Variants in PRELID2 observed in about 807,000 individuals in gnomAD.
The protein encoded by PRELID2 is PRELI domain containing 2, also known as PRELI domain-containing protein 2.
A neutral mutation model predicts 28.4 loss-of-function variants in PRELID2; 25 were observed. The observed-to-expected ratio is 0.88, with a 90% CI of 0.64 to 1.23. PRELID2 has a LOEUF of 1.23. Ranked by LOEUF, PRELID2 falls within the 50% of genes most tolerant of loss-of-function variation. The pLI is 0.00. For synonymous variants in PRELID2, 76 were observed against 71.6 expected (o/e 1.06, Z -0.31); for missense variants, 201 against 214.4 (o/e 0.94, Z 0.39).
chr5:145,584,545 G>C (rs762973680), intron 1 of PRELID2, among the ~76,000 whole-genome samples: 6 of 151,892 alleles, frequency 4.0e-5, no homozygotes, highest in Non-Finnish European at 8.8e-5. Context: ...TCTGACAAAG[G>C]TCTAATATCC....
the PRELID2 span, among the ~76,000 whole-genome samples, chr5:145,426,492 T>C: frequency 6.6e-6 from 1 of 152,134 alleles, no homozygotes; most frequent in South Asian, 2.1e-4. Context: ...GGTCCAACTA[T>C]GAGGAAGGAT....
the PRELID2 span, among the ~76,000 whole-genome samples, chr5:145,447,604 G>T: frequency 8.1e-6 from 1 of 123,068 alleles, no homozygotes; most frequent in Non-Finnish European, 1.7e-5. Flanking sequence ...TATATCTCCC[G>T]ATGCTATCCC....
chr5:145,364,777 G>A, the PRELID2 span, among the ~76,000 whole-genome samples: 131 of 152,058 alleles, frequency 8.6e-4, no homozygotes, highest in Non-Finnish European at 1.2e-3. Flanking sequence ...TACACATATT[G>A]ATTGCTGGGT....
the PRELID2 span, among the ~76,000 whole-genome samples, chr5:145,296,358 C>T: frequency 7.9e-6 from 1 of 126,640 alleles, no homozygotes; most frequent in Non-Finnish European, 1.6e-5. Flanking sequence ...CACCCCACAA[C>T]AGTCCCCAGA....
intron 4 of PRELID2, among the ~76,000 whole-genome samples, chr5:145,817,200 TAAATAAATAAATAAAAAAAA>T (rs772321521): frequency 1.1e-4 from 6 of 55,832 alleles, no homozygotes; most frequent in Admixed American, 4.2e-4. Flanking sequence ...CAAAAAAAAA[TAAATAAATAAATAAAAAAAA>T]ATATATATAT....
At chr5:145,504,971 G>A (rs1752393007) in intron 1 of PRELID2, among the ~76,000 whole-genome samples, 2 of 151,926 alleles carry the variant, frequency 1.3e-5, no homozygotes, top group Non-Finnish European at 2.9e-5. Flanking sequence ...CAGTCTCTTT[G>A]GCCCTAACTG....
chr5:145,534,075 T>C (rs1752676872), intron 1 of PRELID2, among the ~76,000 whole-genome samples: 2 of 152,052 alleles, frequency 1.3e-5, no homozygotes, highest in Admixed American at 1.3e-4. Flanking sequence ...ATAAAAGTCT[T>C]TATTGTAGTA....
chr5:145,747,699 C>T (rs529510759), intron 1 of PRELID2, among the ~76,000 whole-genome samples: 187 of 152,114 alleles, frequency 1.2e-3, no homozygotes, highest in South Asian at 9.2e-3. Flanking sequence ...GGAAGAGATA[C>T]AACAAAAAAA....
At chr5:145,343,944 A>C in the PRELID2 span, among the ~76,000 whole-genome samples, 3 of 151,902 alleles carry the variant, frequency 2.0e-5, no homozygotes, top group African/African-American at 4.8e-5. Flanking sequence ...AACATACAAC[A>C]TACCAAGATT....
chr5:145,590,001 A>G lies in PRELID2; in HGVS notation n.71-116686T>C, dbSNP rs1753206258. ...TAATATGCATGATATTCTTATATGTACTACATATGAATTATGTACTAGGAT... is the reference window on the plus strand; with the variant it reads ...TAATATGCATGATATTCTTATATGTGCTACATATGAATTATGTACTAGGAT... On this transcript the variant is annotated intron_variant and non_coding_transcript_variant, in intron 1 of 2. Coordinates refer to the PRELID2 transcript ENST00000510259. Among the ~76,000 whole-genome samples the G allele has an allele frequency of 2.6e-5, 4 of 152,208 alleles. 1 individual carries two copies. The South Asian group carries it at 8.3e-4, about 31-fold the overall frequency.
At chr5:145,593,754 G>A (rs935374024) in intron 1 of PRELID2, among the ~76,000 whole-genome samples, 5 of 152,102 alleles carry the variant, frequency 3.3e-5, no homozygotes, top group African/African-American at 1.2e-4. Flanking sequence ...AAAAACACCT[G>A]AGTTCTTCAA....
the PRELID2 span, among the ~76,000 whole-genome samples, chr5:145,396,590 A>C: frequency 6.6e-6 from 1 of 152,144 alleles, no homozygotes; most frequent in Non-Finnish European, 1.5e-5. Context: ...AAAGTTTGCC[A>C]AGCCTTGAAC....
At chr5:145,428,889 CT>C in the PRELID2 span, among the ~76,000 whole-genome samples, 1 of 150,540 alleles carries the variant, frequency 6.6e-6, no homozygotes, top group African/African-American at 2.5e-5. Context: ...CAGGTGCATG[CT>C]ACTGTGTTCT....
At chr5:145,681,697 A>C (rs1214605295) in intron 1 of PRELID2, among the ~76,000 whole-genome samples, 1 of 152,104 alleles carries the variant, frequency 6.6e-6, no homozygotes, top group African/African-American at 2.4e-5. Flanking sequence ...GCAAAACCAA[A>C]CTGCACCCCC....
At chr5:145,387,757 C>A in the PRELID2 span, among the ~76,000 whole-genome samples, 25 of 151,976 alleles carry the variant, frequency 1.6e-4, no homozygotes, top group East Asian at 4.1e-3. Flanking sequence ...CATAAGGAGA[C>A]CCTGTCTGTA....
At chr5:145,621,688 A>T (rs1305446425) in intron 1 of PRELID2, among the ~76,000 whole-genome samples, 1 of 152,208 alleles carries the variant, frequency 6.6e-6, no homozygotes, top group African/African-American at 2.4e-5. Context: ...AGGGGCATCA[A>T]AGGGTAGGGG....
downstream of PRELID2, among the ~76,000 whole-genome samples, chr5:145,469,549 T>A (rs963426318): frequency 1.3e-5 from 2 of 152,034 alleles, no homozygotes; most frequent in Non-Finnish European, 2.9e-5. Context: ...ATGATCCAGA[T>A]GGAAACTTCC....
At chr5:145,292,095 C>T in the PRELID2 span, among the ~76,000 whole-genome samples, 1 of 152,018 alleles carries the variant, frequency 6.6e-6, no homozygotes, top group Non-Finnish European at 1.5e-5. Context: ...ACTTCAATTT[C>T]TGTAGGCTCT....
At chr5:145,414,382 C>G in the PRELID2 span, among the ~76,000 whole-genome samples, 1 of 152,158 alleles carries the variant, frequency 6.6e-6, no homozygotes, top group Admixed American at 6.6e-5. Flanking sequence ...CGAAAGTAAC[C>G]CCCCAGGCCT....
Sources: allele counts gnomAD v4.1 joint callset (sites outside exome capture counted in the v4.1 genomes callset), GRCh38; gene constraint gnomAD v4.1.1; transcripts MANE v1.5; gene names NCBI Gene and HGNC (gene_info 2026-07-23, HGNC 2026-07-21).